Variants in HERC3 observed in about 807,000 individuals in gnomAD.
The protein encoded by HERC3 is probable E3 ubiquitin-protein ligase HERC3.
Under a neutral mutation model 129.9 loss-of-function variants are expected in HERC3, and 58 were observed. The observed-to-expected ratio is 0.45, with a 90% CI of 0.36 to 0.56. The LOEUF (loss-of-function observed/expected upper bound fraction) is 0.56, where lower values mean the gene tolerates loss of function less well. HERC3 is among the 20% of genes least tolerant of loss of function. The probability of loss-of-function intolerance (pLI) is 0.00; values close to 1 mark genes in which losing one functional copy is unlikely to be tolerated. For synonymous variants in HERC3, 430 were observed against 451.0 expected (o/e 0.95, Z 0.59); for missense variants, 835 against 1,244.2 (o/e 0.67, Z 4.95).
At chr4:88,617,520 T>A (rs970213669) in intron 3 of HERC3, among the ~76,000 whole-genome samples, 1 of 152,236 alleles carries the variant, frequency 6.6e-6, no homozygotes, top group Non-Finnish European at 1.5e-5. Flanking sequence ...TAGATTGTGC[T>A]GATTGAAACA....
intron 3 of HERC3, among the ~76,000 whole-genome samples, chr4:88,625,376 A>G (rs1725983445): frequency 6.6e-6 from 1 of 152,036 alleles, no homozygotes; most frequent in South Asian, 2.1e-4. Context: ...TTTCTCAGCA[A>G]TATTTTTTAC....
intron 23 of HERC3, among the ~76,000 whole-genome samples, chr4:88,703,846 A>G (rs1735536848): frequency 6.6e-6 from 1 of 152,164 alleles, no homozygotes. Context: ...AGTTCTATAT[A>G]CCTGGCCTGC....
chr4:88,688,877 T>C (rs1196495455), intron 23 of HERC3, among the ~76,000 whole-genome samples: 1 of 152,172 alleles, frequency 6.6e-6, no homozygotes, highest in Non-Finnish European at 1.5e-5. Flanking sequence ...ATGCAGACTC[T>C]TGAGGATTTG....
intron 4 of HERC3, among the ~76,000 whole-genome samples, chr4:88,651,425 T>A (rs940710655): frequency 2.6e-5 from 4 of 152,196 alleles, no homozygotes; most frequent in Non-Finnish European, 2.9e-5. Context: ...CTCTTTTACT[T>A]GTAAGGTGAA....
chr4:88,676,231 C>A lies in HERC3; in HGVS notation c.1925C>A (p.Ser642Ter). The change falls in exon 17 of 26, where the codon TCA becomes TAA. Residue 642 changes from serine (S) to a stop codon, truncating the protein, a stop_gained. Transcript: ENST00000402738. LOFTEE classifies it high-confidence loss of function. ...LHQAGMKARP[S>*]IIQDTVTLCS... The stretch of plus-strand genomic sequence containing the variant: ...TTCTTTACACAGAAGGCTAGACCAT[C>A]AATAATACAGGTAAATGATCCTTTT... The A allele has an allele frequency of 6.4e-7, 1 of 1,569,932 alleles. No homozygotes were observed. The highest frequency in any genetic ancestry group is 8.8e-7 in the Non-Finnish European group (1 of 1,140,508).
chr4:88,654,168 G>A, intron 7 of HERC3, 35 bp downstream of exon 7: 1 of 1,384,476 alleles, frequency 7.2e-7, no homozygotes. Context: ...TTGGTGCTGG[G>A]GATATGATGG....
At chr4:88,622,661 T>G (rs1267700698) in intron 3 of HERC3, among the ~76,000 whole-genome samples, 4 of 152,042 alleles carry the variant, frequency 2.6e-5, no homozygotes, top group African/African-American at 7.2e-5. Context: ...CCGGGTGTGG[T>G]GGCTCACGCC....
intron 3 of HERC3, among the ~76,000 whole-genome samples, chr4:88,635,719 GA>G (rs1486867596): frequency 6.6e-6 from 1 of 152,098 alleles, no homozygotes; most frequent in African/African-American, 2.4e-5. Flanking sequence ...AGGTCAAAAT[GA>G]AGGAAAAAAT....
intron 3 of HERC3, among the ~76,000 whole-genome samples, chr4:88,630,966 C>T (rs1020568588): frequency 2.0e-5 from 3 of 152,206 alleles, no homozygotes; most frequent in Admixed American, 2.0e-4. Context: ...CTCCCATTCC[C>T]TGTGACAGGG....
intron 23 of HERC3, among the ~76,000 whole-genome samples, chr4:88,691,137 T>C (rs1734029541): frequency 6.6e-6 from 1 of 152,226 alleles, no homozygotes; most frequent in Admixed American, 6.5e-5. Flanking sequence ...TGGAAAAATC[T>C]GAGTTGTCGT....
At position 88,668,015 on chromosome 4, in the gene HERC3, A is replaced by G; in HGVS notation, c.1567A>G (p.Ile523Val). ...CCTACTCCAGGATTCCAAGTATTAT[A>G]TAACATTGACTATTCCCTTGGCTAT... ...FPLLQDSKYY[I>V]TLTIPLAMAI... is the part of the protein sequence containing the mutation. The change falls in exon 14 of 26, where the codon ATA becomes GTA. Residue 523 changes from isoleucine (I) to valine (V), a missense_variant. Transcript: ENST00000402738. 6.2e-7 allele frequency: 1 copy of G among 1,613,724 alleles called. No homozygotes were observed. Among genetic ancestry groups the G allele is most frequent in the Admixed American group, 1.7e-5 (1 of 60,014 alleles).
upstream of HERC3, chr4:88,592,404 GA>G (rs1409073154): frequency 3.3e-5 from 5 of 152,334 alleles, no homozygotes; most frequent in Non-Finnish European, 1.5e-5. Context: ...GCCCATCCCA[GA>G]ACGGCGCCCA....
intron 2 of HERC3, among the ~76,000 whole-genome samples, chr4:88,601,250 A>G (rs1722928836): frequency 6.6e-6 from 1 of 151,824 alleles, no homozygotes; most frequent in African/African-American, 2.4e-5. Flanking sequence ...GAAAGCCTCA[A>G]GAGTTCAAAG....
At chr4:88,697,575 C>T in intron 23 of HERC3, 1 of 1,614,100 alleles carries the variant, frequency 6.2e-7, no homozygotes, top group South Asian at 1.1e-5. Flanking sequence ...TTGGGGCATT[C>T]TCTGCAGGGG....
intron 3 of HERC3, among the ~76,000 whole-genome samples, chr4:88,613,696 T>A (rs1483268835): frequency 1.3e-5 from 2 of 152,186 alleles, no homozygotes; most frequent in Non-Finnish European, 2.9e-5. Context: ...GGCATAACGC[T>A]GATATAAAAG....
intron 8 of HERC3, 105 bp from the exon 9 acceptor site, chr4:88,655,770 T>C (rs1729828537): frequency 8.7e-7 from 1 of 1,151,918 alleles, no homozygotes. Context: ...AAAGGCTCTA[T>C]AGGAGCACCC....
chr4:88,625,751 A>G, intron 3 of HERC3, among the ~76,000 whole-genome samples: 1 of 152,202 alleles, frequency 6.6e-6, no homozygotes, highest in East Asian at 1.9e-4. Flanking sequence ...GAAAGCATTC[A>G]TCTTTCACCA....
At chr4:88,628,902 C>T (rs1262071320) in intron 3 of HERC3, among the ~76,000 whole-genome samples, 13 of 152,054 alleles carry the variant, frequency 8.5e-5, no homozygotes, top group African/African-American at 3.1e-4. Context: ...GGGCTGGGCG[C>T]GGTGGCTCAT....
rs771272278 is a variant in HERC3 at position 88,686,741 on chromosome 4, T to TC, written c.2515dup (p.Gln839ProfsTer30). Reference sequence around the variant, plus strand: ...TTCTGTCATTCTATGATTAGGAGTCTCCAAGAGCTTTTAGATTACCCCGGG... The same window carrying TC: ...TTCTGTCATTCTATGATTAGGAGTCTCCCAAGAGCTTTTAGATTACCCCGGG... On this transcript the variant is annotated frameshift_variant, in exon 22 of 26. Transcript: ENST00000402738. LOFTEE classifies it high-confidence loss of function. The TC allele has an allele frequency of 6.2e-7, 1 of 1,608,624 alleles. No homozygotes were observed. The highest frequency in any genetic ancestry group is 8.5e-7 in the Non-Finnish European group (1 of 1,175,196).
Sources: gnomAD v4.1 joint callset for allele counts (sites outside exome capture counted in the v4.1 genomes callset) on GRCh38, gnomAD v4.1.1 for gene constraint, MANE v1.5 for transcripts, NCBI Gene and HGNC (gene_info 2026-07-23, HGNC 2026-07-21) for gene names.